Variants in MYO5B observed in about 807,000 individuals in gnomAD.
The protein encoded by MYO5B is unconventional myosin-Vb.
MYO5B carries 143 observed loss-of-function variants against 229.3 expected under a neutral mutation model. That is an observed-to-expected ratio of 0.62 (90% CI 0.54 to 0.72). The LOEUF is 0.72. MYO5B is among the 30% of genes least tolerant of loss of function. MYO5B has a pLI of 0.00. For missense variants in MYO5B, 2,321 were observed against 2,331.0 expected (o/e 1.00, Z 0.09); for synonymous variants, 918 against 885.2 (o/e 1.04, Z -0.66).
At chr18:49,962,813 G>T in intron 11 of MYO5B, 136 bp downstream of exon 11, 2 of 804,294 alleles carry the variant, frequency 2.5e-6, no homozygotes, top group Non-Finnish European at 4.4e-6. Flanking sequence ...AAAGCTGGAG[G>T]TACCACCAGG....
At chr18:49,957,376 T>C (rs1057261752) in intron 12 of MYO5B, among the ~76,000 whole-genome samples, 22 of 151,838 alleles carry the variant, frequency 1.4e-4, no homozygotes, top group African/African-American at 5.3e-4. Context: ...GCGCAATGGC[T>C]CACACCTGTA....
intron 1 of MYO5B, among the ~76,000 whole-genome samples, chr18:50,121,113 G>A (rs1372184028): frequency 6.6e-6 from 1 of 152,176 alleles, no homozygotes; most frequent in Admixed American, 6.5e-5. Context: ...GAGGCCTAGT[G>A]TGGGTTCCTC....
intron 12 of MYO5B, among the ~76,000 whole-genome samples, chr18:49,957,030 C>T (rs1598910918): frequency 1.3e-5 from 2 of 149,696 alleles, no homozygotes. Flanking sequence ...CTAAAAACCA[C>T]CAAATTGTAT....
At chr18:50,088,325 A>C (rs1302046197) in intron 1 of MYO5B, among the ~76,000 whole-genome samples, 1 of 152,220 alleles carries the variant, frequency 6.6e-6, no homozygotes, top group African/African-American at 2.4e-5. Context: ...GAGCCTCAGG[A>C]AACTCCACAT....
intron 39 of MYO5B, among the ~76,000 whole-genome samples, chr18:49,831,066 A>G (rs948554486): frequency 6.6e-6 from 1 of 152,136 alleles, no homozygotes; most frequent in African/African-American, 2.4e-5. Flanking sequence ...GTCTTTGACA[A>G]ATGGTGCTGA....
chr18:50,188,377 G>A (rs1235661320), intron 1 of MYO5B, among the ~76,000 whole-genome samples: 2 of 152,108 alleles, frequency 1.3e-5, no homozygotes, highest in Non-Finnish European at 2.9e-5. Context: ...AACTTGTAGA[G>A]GAGTATGTGC....
In MYO5B at chr18:49,917,677, C is replaced by T. The variant is rs140251300; in HGVS notation, c.2091-5504G>A. On this transcript the variant is annotated intron_variant, in intron 17 of 39. Transcript: ENST00000285039. ...TTGGCTTCTCTTCCATTCCATTCCA[C>T]ATTAATGGTGGGAGAAGAGCCCTCA... Among the ~76,000 whole-genome samples the T allele has an allele frequency of 7.6e-3, 1,161 of 152,264 alleles. 6 individuals are homozygous for T. The highest frequency in any genetic ancestry group is 0.013 in the Non-Finnish European group (883 of 68,016).
At chr18:50,192,914 A>G (rs995518651) in intron 1 of MYO5B, among the ~76,000 whole-genome samples, 2 of 152,110 alleles carry the variant, frequency 1.3e-5, no homozygotes, top group Non-Finnish European at 2.9e-5. Flanking sequence ...TTTTAACTCC[A>G]TTTTTCCCCC....
At chr18:50,174,914 G>C (rs2032973907) in intron 1 of MYO5B, among the ~76,000 whole-genome samples, 1 of 152,210 alleles carries the variant, frequency 6.6e-6, no homozygotes, top group South Asian at 2.1e-4. Context: ...CATATCCCAT[G>C]CCAAGTCTCT....
intron 24 of MYO5B, 112 bp from the exon 25 acceptor site, chr18:49,877,994 T>A: frequency 7.8e-7 from 1 of 1,287,052 alleles, no homozygotes; most frequent in Non-Finnish European, 1.1e-6. Context: ...TCAACAAGAA[T>A]AGGTATCATT....
intron 4 of MYO5B, 120 bp downstream of exon 4, chr18:50,036,730 A>T: frequency 8.5e-7 from 1 of 1,176,794 alleles, no homozygotes; most frequent in Non-Finnish European, 1.3e-6. Flanking sequence ...TGTTTCCAAG[A>T]TGTTTCCTCA....
At chr18:50,150,837 A>G (rs1046833708) in intron 1 of MYO5B, among the ~76,000 whole-genome samples, 1 of 151,692 alleles carries the variant, frequency 6.6e-6, no homozygotes, top group African/African-American at 2.4e-5. Flanking sequence ...GTATAATAAT[A>G]AAAAAAAAGA....
intron 1 of MYO5B, among the ~76,000 whole-genome samples, chr18:50,138,175 G>A (rs1368689274): frequency 1.3e-5 from 2 of 152,046 alleles, no homozygotes; most frequent in African/African-American, 4.8e-5. Context: ...ATACCCACAA[G>A]CACAACCTTC....
chr18:50,086,579 T>C (rs1351159187), intron 1 of MYO5B, among the ~76,000 whole-genome samples: 1 of 152,180 alleles, frequency 6.6e-6, no homozygotes, highest in African/African-American at 2.4e-5. Flanking sequence ...GCTCAGAACC[T>C]ATTATGTGTA....
intron 22 of MYO5B, among the ~76,000 whole-genome samples, chr18:49,883,816 C>T (rs1787541): frequency 0.5 from 75,377 of 152,030 alleles, 19,348 homozygotes; most frequent in Middle Eastern, 0.6. Flanking sequence ...TTCACATTGA[C>T]AGTCAATTGA....
At chr18:50,029,631 T>C (rs184964556) in intron 4 of MYO5B, among the ~76,000 whole-genome samples, 7 of 152,330 alleles carry the variant, frequency 4.6e-5, no homozygotes, top group African/African-American at 1.4e-4. Context: ...CATGAATCTG[T>C]CAGCTGTAAC....
chr18:49,877,705 G>C, intron 25 of MYO5B, 58 bp downstream of exon 25: 4 of 1,610,814 alleles, frequency 2.5e-6, no homozygotes, highest in South Asian at 2.2e-5. Context: ...GTTCCACACA[G>C]AAAAAAACAC....
intron 1 of MYO5B, among the ~76,000 whole-genome samples, chr18:50,189,331 A>G (rs916983659): frequency 5.3e-5 from 8 of 152,210 alleles, no homozygotes; most frequent in Non-Finnish European, 8.8e-5. Flanking sequence ...AACATGTGAT[A>G]CTAAGGAAAG....
Position 49,990,460 on chromosome 18 carries a change from C to G in MYO5B, c.817G>C (p.Glu273Gln). Residue 273 changes from glutamate to glutamine, a missense_variant, in exon 7 of 40, where the codon GAA (glutamate) becomes CAA (glutamine). Physicochemically the swap from Glu to Gln is conservative, Grantham distance 29. Transcript: ENST00000285039. ...YQLCAAAGLP[E>Q]FKELALTSAE... ...TTACTTAGTGCAAGCTCTTTAAATT[C>G]TGGAAGACCGGCAGCAGCACAGAGC... 6.2e-7 allele frequency: 1 copy of G among 1,613,840 alleles called. No homozygotes were observed. The highest frequency in any genetic ancestry group is 8.5e-7 in the Non-Finnish European group (1 of 1,179,796).
Sources: allele counts gnomAD v4.1 joint callset (sites outside exome capture counted in the v4.1 genomes callset), GRCh38; gene constraint gnomAD v4.1.1; transcripts MANE v1.5; gene names NCBI Gene and HGNC (gene_info 2026-07-23, HGNC 2026-07-21).